RIPOR2: variants seen among roughly 807,000 people sequenced by gnomAD.
The protein encoded by RIPOR2 is rho family-interacting cell polarization regulator 2.
RIPOR2 carries 39 observed loss-of-function variants against 114.5 expected under a neutral mutation model. The observed-to-expected ratio is 0.34, with a 90% CI of 0.26 to 0.44. The LOEUF (loss-of-function observed/expected upper bound fraction) is 0.44. Among genes scored for constraint, RIPOR2 ranks in the 20% least tolerant of loss-of-function variants. The pLI is 1.00. For synonymous variants in RIPOR2, 445 were observed against 484.4 expected (o/e 0.92, Z 1.07); for missense variants, 1,007 against 1,255.1 (o/e 0.80, Z 2.99).
At chr6:25,001,651 G>A (rs564944686) in intron 1 of RIPOR2, among the ~76,000 whole-genome samples, 8 of 145,974 alleles carry the variant, frequency 5.5e-5, no homozygotes, top group Non-Finnish European at 1.0e-4. Context: ...AAAAAATCAC[G>A]GAGTAAATAT....
intron 8 of RIPOR2, among the ~76,000 whole-genome samples, chr6:24,853,630 C>T (rs73398426): frequency 0.013 from 2,010 of 152,274 alleles, 41 homozygotes; most frequent in African/African-American, 0.046. Flanking sequence ...AGAAAATTTA[C>T]TTAACCCAAG....
chr6:24,912,009 A>T (rs897428741), intron 1 of RIPOR2, among the ~76,000 whole-genome samples: 1 of 152,226 alleles, frequency 6.6e-6, no homozygotes, highest in African/African-American at 2.4e-5. Flanking sequence ...ACATGTCAAC[A>T]TGGGAAACAC....
Position 24,827,600 on chromosome 6 carries a change from C to G in RIPOR2, c.2665+537G>C, listed in dbSNP as rs537964840. On this transcript the variant is annotated intron_variant, in intron 18 of 21. Coordinates refer to ENST00000643898, the MANE Select transcript of RIPOR2 (RefSeq NM_001286445.3). Reference sequence around the variant, plus strand: ...CTTGATTTAGATTGCTATTTTATTTCCAGTCTCTGAAGGGCCGTGTGGAAT... The same window carrying G: ...CTTGATTTAGATTGCTATTTTATTTGCAGTCTCTGAAGGGCCGTGTGGAAT... Among the ~76,000 whole-genome samples the G allele has an allele frequency of 1.9e-4, 29 of 152,354 alleles. No individual in the cohort carries two copies. The South Asian group carries it at 5.2e-3, about 27-fold the overall frequency.
chr6:25,035,718 G>T (rs1385113803), intron 1 of RIPOR2, among the ~76,000 whole-genome samples: 1 of 152,176 alleles, frequency 6.6e-6, no homozygotes, highest in East Asian at 1.9e-4. Context: ...CTGATAGGAA[G>T]CTGGGCTGCT....
At chr6:25,029,579 A>G (rs1776818751) in intron 1 of RIPOR2, among the ~76,000 whole-genome samples, 1 of 152,038 alleles carries the variant, frequency 6.6e-6, no homozygotes, top group Non-Finnish European at 1.5e-5. Flanking sequence ...AAGACCAGGA[A>G]GCAAGTCCCA....
chr6:25,022,087 T>A (rs1776349582), intron 1 of RIPOR2, among the ~76,000 whole-genome samples: 1 of 152,238 alleles, frequency 6.6e-6, no homozygotes, highest in Non-Finnish European at 1.5e-5. Flanking sequence ...TTTTTAGGTA[T>A]AATTTACATG....
At chr6:24,908,045 C>T (rs866960152) in intron 1 of RIPOR2, among the ~76,000 whole-genome samples, 10 of 148,856 alleles carry the variant, frequency 6.7e-5, no homozygotes, top group Non-Finnish European at 1.0e-4. Flanking sequence ...TGAATGGCCA[C>T]AAACACAAGC....
intron 1 of RIPOR2, among the ~76,000 whole-genome samples, chr6:24,909,620 T>A (rs893396976): frequency 1.3e-5 from 2 of 152,040 alleles, no homozygotes; most frequent in African/African-American, 4.8e-5. Context: ...GGATGCCCAG[T>A]CCCATAGAGA....
chr6:25,001,847 G>A (rs145885443), intron 1 of RIPOR2, among the ~76,000 whole-genome samples: 1,646 of 151,056 alleles, frequency 0.011, 16 homozygotes, highest in East Asian at 0.043. Flanking sequence ...CTACAGGCGC[G>A]TGCCACCATG....
chr6:25,026,722 G>A (rs542178643), intron 1 of RIPOR2, among the ~76,000 whole-genome samples: 27 of 152,264 alleles, frequency 1.8e-4, no homozygotes, highest in African/African-American at 6.0e-4. Context: ...CGGAGATTAC[G>A]GTGGTCTAAA....
At chr6:24,990,505 T>G (rs1367667893) in intron 1 of RIPOR2, among the ~76,000 whole-genome samples, 5 of 152,236 alleles carry the variant, frequency 3.3e-5, no homozygotes, top group African/African-American at 1.2e-4. Flanking sequence ...CTGGGGCTTC[T>G]GAAAAAAGTG....
chr6:24,848,236 A>G (rs1762517308), intron 11 of RIPOR2, 82 bp from the exon 12 acceptor site: 3 of 1,410,798 alleles, frequency 2.1e-6, no homozygotes, highest in Non-Finnish European at 1.9e-6. Flanking sequence ...AGAGTACCTC[A>G]TTATATAAAG....
At chr6:25,022,531 C>CTTTTTTTTTTTTTTTTTTTTTTTTT (rs1561848668) in intron 1 of RIPOR2, among the ~76,000 whole-genome samples, 20 of 64,508 alleles carry the variant, frequency 3.1e-4, no homozygotes, top group Non-Finnish European at 5.5e-4. Flanking sequence ...TGGTACCTTC[C>CTTTTTTTTTTTTTTTTTTTTTTTTT]ATTTTTTTTT....
At chr6:24,840,630 A>T in intron 13 of RIPOR2, 1 of 1,530,302 alleles carries the variant, frequency 6.5e-7, no homozygotes, top group Non-Finnish European at 8.7e-7. Context: ...CCTTGCAGGG[A>T]TCTGTCTCTG....
chr6:24,818,662 G>A (rs1172515279), intron 19 of RIPOR2, 37 bp from the exon 20 acceptor site: 3 of 1,414,690 alleles, frequency 2.1e-6, no homozygotes, highest in South Asian at 2.6e-5. Flanking sequence ...AGGCATTTTG[G>A]TTTGTTCGTA....
At chr6:24,971,090 G>A (rs1466374682) in intron 1 of RIPOR2, among the ~76,000 whole-genome samples, 1 of 152,164 alleles carries the variant, frequency 6.6e-6, no homozygotes. Flanking sequence ...TATTAAAAGT[G>A]GACTACTAAA....
At chr6:25,028,051 G>A (rs112917810) in intron 1 of RIPOR2, among the ~76,000 whole-genome samples, 30 of 152,210 alleles carry the variant, frequency 2.0e-4, no homozygotes, top group African/African-American at 6.3e-4. Context: ...TACCACCCTC[G>A]TCCTGCATAA....
At chr6:24,956,776 G>A (rs1773061063) in intron 1 of RIPOR2, among the ~76,000 whole-genome samples, 1 of 152,182 alleles carries the variant, frequency 6.6e-6, no homozygotes, top group Admixed American at 6.5e-5. Context: ...TGCTCTCTGT[G>A]CCTTGCTTGC....
intron 12 of RIPOR2, among the ~76,000 whole-genome samples, chr6:24,846,793 T>C (rs973091364): frequency 6.6e-6 from 1 of 152,220 alleles, no homozygotes; most frequent in Admixed American, 6.5e-5. Context: ...ATGTATAATA[T>C]ATAATACTTA....
Sources: allele counts gnomAD v4.1 joint callset (sites outside exome capture counted in the v4.1 genomes callset), GRCh38; gene constraint gnomAD v4.1.1; transcripts MANE v1.5; gene names NCBI Gene and HGNC (gene_info 2026-07-23, HGNC 2026-07-21).